GABRB3: variants seen among roughly 807,000 people sequenced by gnomAD.
GABRB3 encodes gamma-aminobutyric acid type A receptor subunit beta3.
A neutral mutation model predicts 52.1 loss-of-function variants in GABRB3; 14 were observed. The ratio of observed to expected loss-of-function variants is 0.27; its 90% CI spans 0.18 to 0.42. GABRB3 has a LOEUF of 0.42. Ranked by LOEUF, GABRB3 falls within the 10% of genes least tolerant of loss-of-function variation. The pLI, the probability that GABRB3 is intolerant of heterozygous loss-of-function variation, is 1.00. For synonymous variants in GABRB3, 260 were observed against 232.3 expected, an observed-to-expected ratio of 1.12 and a Z score of -1.08; for missense variants, 307 against 609.1, an observed-to-expected ratio of 0.50 and a Z score of 5.22.
intron 8 of GABRB3, among the ~76,000 whole-genome samples, chr15:26,555,592 A>T (rs1466307571): frequency 6.6e-6 from 1 of 152,202 alleles, no homozygotes; most frequent in Non-Finnish European, 1.5e-5. Context: ...AATAATTTAC[A>T]AAACTACAGT....
chr15:26,656,964 T>C (rs1006484369), intron 3 of GABRB3: 1 of 152,246 alleles, frequency 6.6e-6, no homozygotes, highest in Non-Finnish European at 1.5e-5. Context: ...TAGCTCCATC[T>C]GTCTCAGAGT....
intron 8 of GABRB3, among the ~76,000 whole-genome samples, chr15:26,554,266 T>C (rs1336603701): frequency 2.1e-5 from 3 of 139,848 alleles, no homozygotes; most frequent in Admixed American, 7.7e-5. Context: ...CAGGCTCAAG[T>C]GATCCTCCCG....
At chr15:26,552,232 C>T (rs534658029) in intron 8 of GABRB3, among the ~76,000 whole-genome samples, 105 of 152,278 alleles carry the variant, frequency 6.9e-4, no homozygotes, top group Middle Eastern at 3.4e-3. Context: ...GTCTCAAACT[C>T]CCGACCTCAG....
At chr15:26,570,874 T>A (rs1213657748) in intron 6 of GABRB3, among the ~76,000 whole-genome samples, 2 of 152,180 alleles carry the variant, frequency 1.3e-5, no homozygotes, top group African/African-American at 4.8e-5. Flanking sequence ...TAATAAGCTG[T>A]ACAGTCCCCA....
chr15:26,595,198 C>T (rs1475666931), intron 4 of GABRB3, among the ~76,000 whole-genome samples: 2 of 152,188 alleles, frequency 1.3e-5, no homozygotes, highest in African/African-American at 4.8e-5. Flanking sequence ...CCTTAATGAG[C>T]ACTGCCTGCC....
intron 3 of GABRB3, among the ~76,000 whole-genome samples, chr15:26,678,574 G>T (rs1365105232): frequency 6.6e-6 from 1 of 152,134 alleles, no homozygotes; most frequent in Middle Eastern, 3.2e-3. Context: ...GAGAGAGAGA[G>T]AGAGAGGCAA....
At chr15:26,556,233 A>G (rs1334881943) in intron 8 of GABRB3, among the ~76,000 whole-genome samples, 6 of 152,224 alleles carry the variant, frequency 3.9e-5, no homozygotes, top group East Asian at 3.8e-4. Context: ...TTCAACGACT[A>G]AAAACATCTC....
chr15:26,737,617 A>ATG (rs138524604), intron 3 of GABRB3, among the ~76,000 whole-genome samples: 3,440 of 149,358 alleles, frequency 0.023, 125 homozygotes, highest in African/African-American at 0.077. Context: ...ATTTACTACA[A>ATG]TGTGTGTGTG....
intron 4 of GABRB3, among the ~76,000 whole-genome samples, chr15:26,610,011 C>T (rs139596839): frequency 1.6e-3 from 247 of 152,220 alleles, no homozygotes; most frequent in East Asian, 0.01. Context: ...GTCCTGCAGA[C>T]GGTATCAAGG....
At chr15:26,654,798 G>A (rs1393662738) in intron 3 of GABRB3, among the ~76,000 whole-genome samples, 1 of 151,966 alleles carries the variant, frequency 6.6e-6, no homozygotes, top group East Asian at 1.9e-4. Flanking sequence ...ATTTATCTTT[G>A]TAAATTTTTT....
chr15:26,718,588 A>G (rs1361342114), intron 3 of GABRB3, among the ~76,000 whole-genome samples: 2 of 152,200 alleles, frequency 1.3e-5, no homozygotes, highest in Non-Finnish European at 1.5e-5. Context: ...CTCAAGATTA[A>G]TATGATGCTC....
chr15:26,552,846 AG>A (rs1217048771), intron 8 of GABRB3, among the ~76,000 whole-genome samples: 2 of 152,094 alleles, frequency 1.3e-5, no homozygotes, highest in African/African-American at 4.8e-5. Context: ...AGGGCCTGGG[AG>A]GGGGGTTCAA....
intron 3 of GABRB3, among the ~76,000 whole-genome samples, chr15:26,673,773 CAG>C (rs1887971800): frequency 6.6e-6 from 1 of 152,176 alleles, no homozygotes; most frequent in Non-Finnish European, 1.5e-5. Flanking sequence ...AGAAATGCAC[CAG>C]AGTGTTAAAA....
chr15:26,730,905 G>A (rs934276720), intron 3 of GABRB3, among the ~76,000 whole-genome samples: 10 of 152,172 alleles, frequency 6.6e-5, no homozygotes, highest in African/African-American at 2.2e-4. Context: ...TCACACATAT[G>A]CAGCACTTAT....
At chr15:26,642,679 AAGC>A (rs898966951) in intron 3 of GABRB3, among the ~76,000 whole-genome samples, 10 of 148,396 alleles carry the variant, frequency 6.7e-5, no homozygotes, top group African/African-American at 2.5e-4. Context: ...ACACACACCA[AAGC>A]AGCAATAGAT....
At chr15:26,597,783 G>A (rs1891448970) in intron 4 of GABRB3, among the ~76,000 whole-genome samples, 1 of 152,204 alleles carries the variant, frequency 6.6e-6, no homozygotes. Context: ...AGAGTATGAA[G>A]CCACCAGGAA....
chr15:26,632,733 T>C (rs28506954), intron 3 of GABRB3, among the ~76,000 whole-genome samples: 7 of 152,166 alleles, frequency 4.6e-5, no homozygotes, highest in African/African-American at 1.4e-4. Context: ...ACCCTTGCCA[T>C]GTGCCTTACT....
chr15:26,674,400 C>CA lies in GABRB3; in HGVS notation c.241-52867dup, dbSNP rs55723767. ...TGGGTGACAGAGCGAGACTCAGTTT[C>CA]AAAAAAAAAAAAAAAAAAAAAGAAA... On this transcript the variant is annotated intron_variant, in intron 3 of 8. Transcript: ENST00000311550. Among the ~76,000 whole-genome samples the CA allele has an allele frequency of 3.4e-3, 296 of 86,714 alleles. 6 individuals are homozygous for CA. The highest frequency in any genetic ancestry group is 0.027 in the South Asian group (61 of 2,266). The allele number at this position is 86,714 out of a possible 152,430, so 56.9% of individuals were successfully genotyped here.
At chr15:26,694,839 T>C (rs1281488356) in intron 3 of GABRB3, among the ~76,000 whole-genome samples, 1 of 152,178 alleles carries the variant, frequency 6.6e-6, no homozygotes, top group African/African-American at 2.4e-5. Context: ...AGATGGGTTA[T>C]GTAAGCAGAG....
Sources: gnomAD v4.1 joint callset for allele counts (sites outside exome capture counted in the v4.1 genomes callset) on GRCh38, gnomAD v4.1.1 for gene constraint, MANE v1.5 for transcripts, NCBI Gene and HGNC (gene_info 2026-07-23, HGNC 2026-07-21) for gene names.